Variants in NAALADL2 observed in about 807,000 individuals in gnomAD.
NAALADL2 encodes inactive N-acetylated-alpha-linked acidic dipeptidase-like protein 2.
Under a neutral mutation model 87.2 loss-of-function variants are expected in NAALADL2, and 76 were observed. The ratio of observed to expected loss-of-function variants is 0.87; its 90% CI spans 0.72 to 1.05. The LOEUF is 1.05. NAALADL2 is among the 50% of genes least tolerant of loss of function. NAALADL2 has a pLI of 0.00. For missense variants in NAALADL2, 1,089 were observed against 945.8 expected, an observed-to-expected ratio of 1.15 and a Z score of -1.99; for synonymous variants, 354 against 331.0, an observed-to-expected ratio of 1.07 and a Z score of -0.75.
intron 7 of NAALADL2, among the ~76,000 whole-genome samples, chr3:175,466,760 A>T (rs1724093975): frequency 1.3e-5 from 2 of 152,180 alleles, no homozygotes; most frequent in Non-Finnish European, 2.9e-5. Context: ...ATATGGATCT[A>T]AGCTTTGGAT....
At chr3:174,830,602 T>C (rs1722564845) in intron 3 of NAALADL2, among the ~76,000 whole-genome samples, 1 of 152,018 alleles carries the variant, frequency 6.6e-6, no homozygotes, top group African/African-American at 2.4e-5. Flanking sequence ...GCGGGCTCTT[T>C]TTTGGTTCCA....
At chr3:174,541,094 G>C (rs1235049754) in intron 1 of NAALADL2, among the ~76,000 whole-genome samples, 1 of 152,086 alleles carries the variant, frequency 6.6e-6, no homozygotes, top group Non-Finnish European at 1.5e-5. Flanking sequence ...TTACCATGTT[G>C]CTCTTCTTTA....
At chr3:175,007,877 T>A (rs552927081) in intron 1 of NAALADL2, among the ~76,000 whole-genome samples, 75 of 152,260 alleles carry the variant, frequency 4.9e-4, no homozygotes, top group African/African-American at 1.8e-3. Context: ...TTTGGGTCCA[T>A]TGTTAAATAA....
chr3:175,711,400 A>G (rs913051576), intron 11 of NAALADL2, among the ~76,000 whole-genome samples: 2 of 151,898 alleles, frequency 1.3e-5, no homozygotes, highest in African/African-American at 4.8e-5. Context: ...AAATTCTGCA[A>G]TGTGGTTTAC....
intron 1 of NAALADL2, among the ~76,000 whole-genome samples, chr3:174,921,051 A>G (rs898093931): frequency 6.6e-6 from 1 of 152,212 alleles, no homozygotes; most frequent in Admixed American, 6.5e-5. Flanking sequence ...ATTACAGATC[A>G]CAATAACAGA....
At chr3:175,312,570 C>T (rs1758519952) in intron 4 of NAALADL2, among the ~76,000 whole-genome samples, 1 of 152,116 alleles carries the variant, frequency 6.6e-6, no homozygotes, top group African/African-American at 2.4e-5. Flanking sequence ...ACCCTTTAGC[C>T]AGTCTGTTTG....
intron 1 of NAALADL2, among the ~76,000 whole-genome samples, chr3:174,861,894 A>G (rs1187910496): frequency 2.1e-5 from 3 of 141,496 alleles, no homozygotes; most frequent in Admixed American, 2.1e-4. Context: ...AGTATTGAGA[A>G]CCCATTTTTT....
At chr3:174,715,003 A>C (rs1223761712) in intron 2 of NAALADL2, among the ~76,000 whole-genome samples, 1 of 152,190 alleles carries the variant, frequency 6.6e-6, no homozygotes, top group East Asian at 1.9e-4. Flanking sequence ...AGTTTTTAGC[A>C]TGAAGAGTTG....
intron 1 of NAALADL2, among the ~76,000 whole-genome samples, chr3:175,049,409 A>G (rs964220654): frequency 1.3e-5 from 2 of 152,192 alleles, no homozygotes; most frequent in Non-Finnish European, 2.9e-5. Flanking sequence ...AACCAGAGAT[A>G]AGGAAGAGTT....
At chr3:174,542,206 C>A (rs538961665) in intron 1 of NAALADL2, among the ~76,000 whole-genome samples, 1 of 152,248 alleles carries the variant, frequency 6.6e-6, no homozygotes, top group East Asian at 1.9e-4. Context: ...CCACTTCTGG[C>A]TGTTTTCTTC....
intron 1 of NAALADL2, among the ~76,000 whole-genome samples, chr3:174,859,980 G>A (rs1400270496): frequency 6.6e-6 from 1 of 152,056 alleles, no homozygotes; most frequent in East Asian, 1.9e-4. Context: ...TATTTCACAG[G>A]TGTTGCTTAA....
intron 2 of NAALADL2, among the ~76,000 whole-genome samples, chr3:175,218,591 C>A (rs919851420): frequency 1.2e-4 from 19 of 152,130 alleles, no homozygotes; most frequent in Non-Finnish European, 2.9e-5. Flanking sequence ...TCATTAGCTG[C>A]CCTCAAATAT....
chr3:175,289,025 A>G (rs892512645), intron 4 of NAALADL2, among the ~76,000 whole-genome samples: 1 of 152,174 alleles, frequency 6.6e-6, no homozygotes, highest in Non-Finnish European at 1.5e-5. Flanking sequence ...AGGGATTAAT[A>G]TATTTGTTAC....
chr3:175,290,415 A>C (rs1214808540), intron 4 of NAALADL2, among the ~76,000 whole-genome samples: 2 of 152,216 alleles, frequency 1.3e-5, no homozygotes, highest in African/African-American at 4.8e-5. Flanking sequence ...GGGAGAGAGA[A>C]AGTAGATCAG....
At chr3:175,001,280 T>TCTTA (rs1748191633) in intron 1 of NAALADL2, among the ~76,000 whole-genome samples, 1 of 152,192 alleles carries the variant, frequency 6.6e-6, no homozygotes, top group East Asian at 1.9e-4. Context: ...TCTGACAAGC[T>TCTTA]CTTAGGTAAT....
chr3:174,899,843 T>A (rs1340403394), intron 1 of NAALADL2, among the ~76,000 whole-genome samples: 1 of 151,826 alleles, frequency 6.6e-6, no homozygotes, highest in South Asian at 2.1e-4. Context: ...ATGCAAAATT[T>A]ACAACCATTT....
At chr3:174,526,532 T>C (rs1293581421) in intron 1 of NAALADL2, among the ~76,000 whole-genome samples, 1 of 152,218 alleles carries the variant, frequency 6.6e-6, no homozygotes, top group African/African-American at 2.4e-5. Flanking sequence ...CTATTATTTG[T>C]GGTAAATGGA....
At chr3:175,022,997 T>G (rs1171726941) in intron 1 of NAALADL2, among the ~76,000 whole-genome samples, 7 of 152,092 alleles carry the variant, frequency 4.6e-5, no homozygotes, top group Non-Finnish European at 1.0e-4. Context: ...TTGTTTTGAC[T>G]CTTAGGAATA....
chr3:174,478,033 A>G (rs549233628), intron 1 of NAALADL2, among the ~76,000 whole-genome samples: 1 of 152,276 alleles, frequency 6.6e-6, no homozygotes, highest in South Asian at 2.1e-4. Flanking sequence ...GAAAAATACC[A>G]ATACTCAGTT....
Sources: allele counts gnomAD v4.1 joint callset (sites outside exome capture counted in the v4.1 genomes callset), GRCh38; gene constraint gnomAD v4.1.1; transcripts MANE v1.5; gene names NCBI Gene and HGNC (gene_info 2026-07-23, HGNC 2026-07-21).